APBB2: variants seen among roughly 807,000 people sequenced by gnomAD.
The protein encoded by APBB2 is amyloid beta precursor protein binding family B member 2.
In APBB2, 38 loss-of-function variants were observed where a neutral mutation model predicts 82.5. That is an observed-to-expected ratio of 0.46 (90% CI 0.36 to 0.60). APBB2 has a LOEUF of 0.60. Ranked by LOEUF, APBB2 falls within the 20% of genes least tolerant of loss-of-function variation. The probability of loss-of-function intolerance (pLI) is 0.00; values close to 1 mark genes in which losing one functional copy is unlikely to be tolerated. For missense variants in APBB2, 772 were observed against 972.3 expected (o/e 0.79, Z 2.74); for synonymous variants, 341 against 368.2 (o/e 0.93, Z 0.85).
intron 1 of APBB2, among the ~76,000 whole-genome samples, chr4:41,172,974 A>C (rs1393504995): frequency 6.6e-6 from 1 of 152,176 alleles, no homozygotes; most frequent in Admixed American, 6.5e-5. Flanking sequence ...CTCTGAAATA[A>C]ATCTATACTC....
Position 40,868,603 on chromosome 4 carries a change from C to T in APBB2, c.1529+21761G>A, listed in dbSNP as rs190704718. On this transcript the variant is annotated intron_variant, in intron 12 of 17. Coordinates refer to ENST00000508593, the MANE Select transcript of APBB2 (RefSeq NM_004307.2). Reference sequence around the variant, plus strand: ...TCTGATTGCACTGATGATAAATTAACTGAACTCATGACTTATTAATTGAAT... The same window carrying T: ...TCTGATTGCACTGATGATAAATTAATTGAACTCATGACTTATTAATTGAAT... Among the ~76,000 whole-genome samples the T allele has an allele frequency of 4.3e-3, 661 of 152,262 alleles. 2 individuals are homozygous for T. The highest frequency in any genetic ancestry group is 5.6e-3 in the Non-Finnish European group (381 of 68,026).
chr4:41,059,126 T>C (rs1447390619), intron 4 of APBB2, among the ~76,000 whole-genome samples: 2 of 151,656 alleles, frequency 1.3e-5, no homozygotes, highest in African/African-American at 4.8e-5. Context: ...GGCATCCAAA[T>C]ACAGAACACC....
intron 6 of APBB2, among the ~76,000 whole-genome samples, chr4:40,965,167 T>G (rs1794377101): frequency 1.3e-5 from 2 of 149,146 alleles, no homozygotes; most frequent in African/African-American, 4.9e-5. Flanking sequence ...TGGAAAAACG[T>G]GGCAGCTAGG....
intron 3 of APBB2, among the ~76,000 whole-genome samples, chr4:41,098,658 A>T (rs1280830498): frequency 6.6e-6 from 1 of 152,230 alleles, no homozygotes; most frequent in Non-Finnish European, 1.5e-5. Flanking sequence ...ATTTTGGTAT[A>T]ATGTAAAGAA....
intron 4 of APBB2, among the ~76,000 whole-genome samples, chr4:41,061,027 A>G (rs914320576): frequency 6.6e-6 from 1 of 152,204 alleles, no homozygotes; most frequent in African/African-American, 2.4e-5. Context: ...GACACACTAA[A>G]CATTTTCAGC....
intron 3 of APBB2, among the ~76,000 whole-genome samples, chr4:41,067,521 AT>A (rs1435801788): frequency 1.3e-5 from 2 of 152,182 alleles, no homozygotes; most frequent in African/African-American, 4.8e-5. Context: ...ACATAAAGGC[AT>A]AAAAGTGATT....
At chr4:40,880,647 T>C (rs1210954900) in intron 12 of APBB2, 34 of 985,330 alleles carry the variant, frequency 3.5e-5, no homozygotes, top group Non-Finnish European at 4.1e-5. Context: ...ACTTTGAGGA[T>C]GGACACAGAG....
At chr4:41,122,444 C>T (rs976016128) in intron 2 of APBB2, among the ~76,000 whole-genome samples, 4 of 152,078 alleles carry the variant, frequency 2.6e-5, no homozygotes, top group Non-Finnish European at 5.9e-5. Flanking sequence ...ATTAATTGTC[C>T]TGAAGCACCA....
chr4:41,190,540 G>A (rs982447747), intron 1 of APBB2, among the ~76,000 whole-genome samples: 33 of 151,940 alleles, frequency 2.2e-4, no homozygotes, highest in African/African-American at 7.0e-4. Flanking sequence ...GTGAGGCACC[G>A]CACCCAGCTA....
At chr4:41,029,980 T>G (rs1044394205) in intron 5 of APBB2, among the ~76,000 whole-genome samples, 1 of 151,794 alleles carries the variant, frequency 6.6e-6, no homozygotes, top group Non-Finnish European at 1.5e-5. Flanking sequence ...CACAGTGAAA[T>G]CCCGTCTCTA....
intron 12 of APBB2, among the ~76,000 whole-genome samples, chr4:40,868,385 A>AT (rs1764581628): frequency 6.6e-6 from 1 of 151,872 alleles, no homozygotes; most frequent in Admixed American, 6.6e-5. Context: ...CATATAGAAA[A>AT]TTTTTTGAGG....
At chr4:40,857,268 A>AGTGCTCCCGCTAG (rs1178078454) in intron 12 of APBB2, 5 of 759,104 alleles carry the variant, frequency 6.6e-6, no homozygotes, top group East Asian at 1.3e-4. Flanking sequence ...ACTCCCGTGA[A>AGTGCTCCCGCTAG]GTGCTCCCGC....
At chr4:41,147,120 C>G (rs937879636) in intron 1 of APBB2, among the ~76,000 whole-genome samples, 2 of 152,188 alleles carry the variant, frequency 1.3e-5, no homozygotes, top group African/African-American at 4.8e-5. Flanking sequence ...AGCAGGCAAA[C>G]GGAATCAGGG....
chr4:41,203,513 CAGG>C (rs1777207705), intron 1 of APBB2, among the ~76,000 whole-genome samples: 1 of 152,166 alleles, frequency 6.6e-6, no homozygotes, highest in Non-Finnish European at 1.5e-5. Flanking sequence ...AATTTGAATG[CAGG>C]AGGTTTTCCC....
intron 12 of APBB2, among the ~76,000 whole-genome samples, chr4:40,858,911 G>T (rs1165844083): frequency 2.0e-5 from 3 of 152,234 alleles, no homozygotes; most frequent in Non-Finnish European, 4.4e-5. Context: ...CAAACTGCAA[G>T]TGAGGCTAGA....
chr4:40,880,456 GC>G (rs1360924646), intron 12 of APBB2: 2 of 985,402 alleles, frequency 2.0e-6, no homozygotes, highest in East Asian at 2.3e-4. Flanking sequence ...GAGGCTTTTA[GC>G]AATTCTTCAA....
At chr4:40,853,069 A>T (rs1434950674) in intron 12 of APBB2, among the ~76,000 whole-genome samples, 1 of 152,138 alleles carries the variant, frequency 6.6e-6, no homozygotes, top group Non-Finnish European at 1.5e-5. Context: ...CGCATCAAAG[A>T]AATCAGGTAT....
At chr4:41,038,001 C>T (rs1321336638) in intron 4 of APBB2, among the ~76,000 whole-genome samples, 2 of 152,034 alleles carry the variant, frequency 1.3e-5, no homozygotes, top group Admixed American at 6.5e-5. Flanking sequence ...ACTGAGAATA[C>T]AGTTGTGATT....
intron 6 of APBB2, among the ~76,000 whole-genome samples, chr4:40,998,367 G>T (rs1268377810): frequency 4.6e-5 from 7 of 151,974 alleles, no homozygotes; most frequent in Non-Finnish European, 1.5e-5. Flanking sequence ...CACTCAAAAT[G>T]TATGACAGAC....
Sources: allele counts gnomAD v4.1 joint callset (sites outside exome capture counted in the v4.1 genomes callset), GRCh38; gene constraint gnomAD v4.1.1; transcripts MANE v1.5; gene names NCBI Gene and HGNC (gene_info 2026-07-23, HGNC 2026-07-21).